The following PPP2R5C variants were observed in gnomAD, a reference collection of about 807,000 sequenced individuals.
PPP2R5C encodes the protein protein phosphatase 2 regulatory subunit B'gamma.
Under a neutral mutation model 68.9 loss-of-function variants are expected in PPP2R5C, and 7 were observed. The ratio of observed to expected loss-of-function variants is 0.10; its 90% CI spans 0.06 to 0.19. The LOEUF (loss-of-function observed/expected upper bound fraction) is 0.19. Ranked by LOEUF, PPP2R5C falls within the 10% of genes least tolerant of loss-of-function variation. The pLI, the probability that PPP2R5C is intolerant of heterozygous loss-of-function variation, is 1.00. For synonymous variants in PPP2R5C, 210 were observed against 222.2 expected (o/e 0.95, Z 0.49); for missense variants, 348 against 641.3 (o/e 0.54, Z 4.94).
rs568796207 is a variant in PPP2R5C at position 101,882,369 on chromosome 14, TCTC to T, written c.405+105_405+107del. 3.2e-4 allele frequency: 255 copies of T among 808,070 alleles called. 1 individual carries two copies. The East Asian group carries it at 6.4e-3, about 20-fold the overall frequency. 50.1% of individuals were successfully genotyped at this position (808,070 alleles called of 1,614,324 possible). ...GCGCACTGGTCTGGCCAGATGGACC[TCTC>T]CTCCTCAGTAGCATGGGCCTCGTAA... On this transcript the variant is annotated intron_variant, in intron 3 of 13. Transcript: ENST00000334743. This position sits in a 1 kb window ranked among gnomAD's most constrained non-coding sequence, Gnocchi z 4.9.
At chr14:101,866,355 G>A (rs888580950) in intron 2 of PPP2R5C, among the ~76,000 whole-genome samples, 4 of 152,198 alleles carry the variant, frequency 2.6e-5, no homozygotes, top group Admixed American at 1.3e-4. Context: ...TCAAACTTAG[G>A]GAGAGAAAGT....
At chr14:101,840,690 C>G (rs1172154952) in intron 1 of PPP2R5C, among the ~76,000 whole-genome samples, 22 of 152,144 alleles carry the variant, frequency 1.4e-4, no homozygotes, top group Non-Finnish European at 2.1e-4. Context: ...CAGCCTCTTT[C>G]AACCAACATT....
intron 13 of PPP2R5C, among the ~76,000 whole-genome samples, chr14:101,919,601 T>C (rs60184724): frequency 0.2 from 30,324 of 152,106 alleles, 4,952 homozygotes; most frequent in African/African-American, 0.44. Context: ...CGGTGTCTCT[T>C]CTGTGAGGGA....
At chr14:101,880,873 A>G (rs1157905929) in intron 2 of PPP2R5C, among the ~76,000 whole-genome samples, 1 of 152,198 alleles carries the variant, frequency 6.6e-6, no homozygotes, top group Non-Finnish European at 1.5e-5. Context: ...CTGGGTATCT[A>G]AAGCCAGCCA....
intron 9 of PPP2R5C, among the ~76,000 whole-genome samples, chr14:101,905,073 G>A (rs1037240101): frequency 1.3e-5 from 2 of 152,258 alleles, no homozygotes; most frequent in Admixed American, 6.5e-5. Flanking sequence ...AAAATGGGGG[G>A]CTGAGTGCAG....
At position 101,840,482 on chromosome 14, in the gene PPP2R5C, CAAAAAAAA is replaced by C. The variant is rs10611025; in HGVS notation, c.95-16184_95-16177del. On this transcript the variant is annotated intron_variant, in intron 1 of 13. Coordinates refer to ENST00000334743, the Ensembl canonical transcript of PPP2R5C. ...CAGCACCACCTGCTCCCCCCACCAC[CAAAAAAAA>C]AAAAAAAAAAAAAAAAAAAGCTCCA... Among the ~76,000 whole-genome samples the C allele has an allele frequency of 3.7e-3, 190 of 51,876 alleles. 1 individual carries two copies. Among genetic ancestry groups the C allele is most frequent in the African/African-American group, 0.016 (173 of 10,792 alleles). 34.0% of individuals were successfully genotyped at this position (51,876 alleles called of 152,430 possible).
At position 101,802,951 on chromosome 14, in the gene PPP2R5C, T is replaced by TAAAAA. The variant is rs571594853; in HGVS notation, c.259+16787_259+16791dup. The stretch of plus-strand genomic sequence containing the variant: ...CACACCCACTAGGATGGCTACTATT[T>TAAAAA]AAAAAAAAAAAAAAAAAAAAAAAGG... On this transcript the variant is annotated intron_variant, in intron 3 of 14. Coordinates refer to the PPP2R5C transcript ENST00000328724. 7.0e-5 allele frequency among the ~76,000 whole-genome samples: 7 copies of TAAAAA among 99,918 alleles called. No homozygotes were observed. In the East Asian group the frequency reaches 8.3e-4, roughly 12 times the overall value. The allele number at this position is 99,918 out of a possible 152,430, so 65.6% of individuals were successfully genotyped here.
chr14:101,795,095 A>G (rs2038546747), intron 3 of PPP2R5C, among the ~76,000 whole-genome samples: 1 of 152,154 alleles, frequency 6.6e-6, no homozygotes, highest in Admixed American at 6.5e-5. Context: ...ACCGTTTATT[A>G]TTTCATTCTG....
intron 5 of PPP2R5C, among the ~76,000 whole-genome samples, chr14:101,886,077 C>G (rs943151147): frequency 6.6e-6 from 1 of 151,712 alleles, no homozygotes; most frequent in African/African-American, 2.4e-5. Context: ...GTCAGGAGAT[C>G]GAGACCATAC....
chr14:101,804,367 G>T (rs898340355), intron 3 of PPP2R5C, among the ~76,000 whole-genome samples: 1 of 152,152 alleles, frequency 6.6e-6, no homozygotes, highest in African/African-American at 2.4e-5. Flanking sequence ...TCCCACTGCT[G>T]GGTACATACC....
intron 9 of PPP2R5C, among the ~76,000 whole-genome samples, chr14:101,903,108 G>A (rs1318196997): frequency 1.3e-5 from 2 of 151,002 alleles, no homozygotes; most frequent in Non-Finnish European, 2.9e-5. Flanking sequence ...AAGGAGCATG[G>A]TTTCCTAGAA....
intron 8 of PPP2R5C, among the ~76,000 whole-genome samples, chr14:101,896,004 T>G (rs530625435): frequency 6.6e-6 from 1 of 152,208 alleles, no homozygotes; most frequent in African/African-American, 2.4e-5. Context: ...GCTGTTGCTT[T>G]CTTTTTATTT....
chr14:101,856,832 A>G, exon 2 of PPP2R5C: 2 of 1,614,154 alleles, frequency 1.2e-6, no homozygotes, highest in Non-Finnish European at 1.7e-6. Context: ...AGAATATATC[A>G]CCCATAATCG....
rs1469363175 is a variant in PPP2R5C at position 101,906,745 on chromosome 14, A to G, written c.1151+216A>G. 3.6e-6 allele frequency: 2 copies of G among 555,240 alleles called. No individual in the cohort carries two copies. Among genetic ancestry groups the G allele is most frequent in the African/African-American group, 1.9e-5 (1 of 52,120 alleles). The allele number at this position is 555,240 out of a possible 1,614,324, so 34.4% of individuals were successfully genotyped here. A position where few individuals can be genotyped will look rare whatever the true frequency, so the allele number is the denominator to read the frequency against. On this transcript the variant is annotated intron_variant, in intron 10 of 13. Transcript: ENST00000334743. The surrounding 1 kb of genome is among the most constrained non-coding windows in gnomAD (Gnocchi z 4.0). ...CCTTCATTCCTGCCAGTATAGAGGCACATTGGTTTGCAGCCACCTCCCAGT... is the reference window on the plus strand; with the variant it reads ...CCTTCATTCCTGCCAGTATAGAGGCGCATTGGTTTGCAGCCACCTCCCAGT...
Position 101,898,222 on chromosome 14 carries a change from G to A in PPP2R5C, c.853-3497G>A, listed in dbSNP as rs1008613144. On this transcript the variant is annotated intron_variant, in intron 8 of 13. Transcript: ENST00000334743. ...GCTATGGAAGGAGAGATTTTTGAAA[G>A]TATGTATTTTTCTTTCATGAATTTT... is the stretch of plus-strand genomic sequence containing the variant. Among the ~76,000 whole-genome samples the A allele has an allele frequency of 3.9e-5, 6 of 152,154 alleles. No individual in the cohort carries two copies. In the East Asian group the frequency reaches 1.2e-3, roughly 29 times the overall value.
At chr14:101,810,519 G>T (rs778841844) in intron 1 of PPP2R5C, among the ~76,000 whole-genome samples, 8 of 152,172 alleles carry the variant, frequency 5.3e-5, no homozygotes, top group African/African-American at 7.2e-5. Flanking sequence ...GATTGGAAAA[G>T]AACTTCCTTT....
At chr14:101,872,128 G>A (rs2043457310) in intron 2 of PPP2R5C, among the ~76,000 whole-genome samples, 1 of 151,392 alleles carries the variant, frequency 6.6e-6, no homozygotes, top group Non-Finnish European at 1.5e-5. Flanking sequence ...TCTGCTTGAA[G>A]GACTGTCTTA....
chr14:101,829,256 G>T (rs781726225), intron 1 of PPP2R5C, among the ~76,000 whole-genome samples: 2 of 152,096 alleles, frequency 1.3e-5, no homozygotes, highest in Non-Finnish European at 2.9e-5. Flanking sequence ...GAAGAGAAAA[G>T]AAAAAGCATC....
chr14:101,855,120 A>G (rs1238669950), intron 1 of PPP2R5C, among the ~76,000 whole-genome samples: 3 of 152,252 alleles, frequency 2.0e-5, no homozygotes, highest in Admixed American at 6.5e-5. Context: ...CAGTGAGCCA[A>G]GATCACACCA....
Sources: allele counts gnomAD v4.1 joint callset (sites outside exome capture counted in the v4.1 genomes callset), GRCh38; gene constraint gnomAD v4.1.1; non-coding constraint Gnocchi (gnomAD v3.1); transcripts MANE v1.5; gene names NCBI Gene and HGNC (gene_info 2026-07-23, HGNC 2026-07-21).